PLIN4: variants seen among roughly 807,000 people sequenced by gnomAD.
PLIN4 encodes perilipin-4.
In PLIN4, 57 loss-of-function variants were observed where a neutral mutation model predicts 52.4. That is an observed-to-expected ratio of 1.09 (90% confidence interval 0.88 to 1.36). The LOEUF is 1.36. Among genes scored for constraint, PLIN4 ranks in the 40% most tolerant of loss-of-function variants. The pLI is 0.00. For missense variants in PLIN4, 1,757 were observed against 1,770.3 expected (o/e 0.99, Z 0.13); for synonymous variants, 826 against 785.4 (o/e 1.05, Z -0.86).
rs199694958 is a variant in PLIN4 at position 4,510,517 on chromosome 19, C to A, written c.3443G>T (p.Arg1148Leu). The A allele has an allele frequency of 6.7e-7, 1 of 1,483,694 alleles. No homozygotes were observed. The highest frequency in any genetic ancestry group is 1.4e-5 in the African/African-American group (1 of 71,180). The allele number at this position is 1,483,694 out of a possible 1,614,324, so 91.9% of individuals were successfully genotyped here. A position where few individuals can be genotyped will look rare whatever the true frequency, so the allele number is the denominator to read the frequency against. The change falls in exon 5 of 8, where the codon CGC becomes CTC. Residue 1148 changes from arginine to leucine, a missense_variant. By Grantham distance (102) the Arg-to-Leu change is moderately radical. Around this residue, in one of 7 missense-constraint regions of PLIN4, gnomAD observed 712 missense variants for 637.1 expected, o/e 1.12. Transcript: ENST00000301286. Reference protein sequence around the residue: ...ATTHGPEEAPRLAMLQNELEG... With the variant: ...ATTHGPEEAPLLAMLQNELEG... The stretch of plus-strand genomic sequence containing the variant: ...CAACTCATTCTGCAGCATTGCCAAG[C>A]GTGGGGCTTCTTCGGGGCCGTGTGT...
chr19:4,513,735 G>C (rs1303823490), intron 4 of PLIN4, 34 bp from the exon 5 acceptor site: 2 of 1,539,900 alleles, frequency 1.3e-6, no homozygotes, highest in Non-Finnish European at 1.8e-6. Flanking sequence ...ATCAAGAGAA[G>C]GACTGAGAGG....
rs1029604704 is a variant in PLIN4, at chr19:4,518,300, G to C, written c.-17-11C>G. 2.4e-6 allele frequency: 3 copies of C among 1,232,688 alleles called. No individual in the cohort carries two copies. The African/African-American group carries it at 4.7e-5, about 19-fold the overall frequency. 76.4% of individuals were successfully genotyped at this position (1,232,688 alleles called of 1,614,324 possible). ...TGAGAACGTGAGAAGCTGGAAGGGG[G>C]CAGAGAAGGTGCGTGAATGGGGGTT... On this transcript the variant is annotated splice_polypyrimidine_tract_variant and intron_variant, in intron 1 of 7. Transcript: ENST00000301286.
intron 6 of PLIN4, among the ~76,000 whole-genome samples, chr19:4,506,103 T>C (rs912679950): frequency 1.3e-5 from 2 of 152,106 alleles, no homozygotes; most frequent in African/African-American, 4.8e-5. Flanking sequence ...CCCGGTGGCC[T>C]GACCTCCCCC....
In PLIN4 at chr19:4,513,119, C is replaced by A. The variant is rs747794116; in HGVS notation, c.841G>T (p.Val281Leu). 7 of 712,788 alleles carry A rather than the reference C, an allele frequency of 9.8e-6. No individual in the cohort carries two copies. In the African/African-American group the frequency reaches 1.2e-4, roughly 12 times the overall value. 44.2% of individuals were successfully genotyped at this position (712,788 alleles called of 1,614,324 possible). Residue 281 changes from valine (V) to leucine (L), a missense_variant, in exon 5 of 8, where the codon GTG becomes TTG. Around this residue, in one of 7 missense-constraint regions of PLIN4, gnomAD observed 99 missense variants for 143.4 expected, o/e 0.69. Coordinates refer to ENST00000301286, the MANE Select transcript of PLIN4 (RefSeq NM_001367868.2). ...CCGGTCTGGATGGTTCCTTTGGCCACATTCATGGCACCAGTCACCCCACTA... is the reference window on the plus strand; with the variant it reads ...CCGGTCTGGATGGTTCCTTTGGCCAAATTCATGGCACCAGTCACCCCACTA... ...VCSGVTGAMN[V>L]AKGTIQTGVD...
rs773425940 is a variant in PLIN4, at chr19:4,510,784, G to A, written c.3176C>T (p.Thr1059Ile). 8.8e-6 allele frequency: 14 copies of A among 1,589,988 alleles called. No individual in the cohort carries two copies. The highest frequency in any genetic ancestry group is 1.2e-5 in the Non-Finnish European group (14 of 1,165,150). The stretch of plus-strand genomic sequence containing the variant: ...GAGTCCACCCCAGGAGGTGGCGGGG[G>A]TACTAGGTAACCAGTTCTGGAAGGT... ...LSTFQNWLPSTPATSWGGLTS... is the reference protein window; with the variant it reads ...LSTFQNWLPSIPATSWGGLTS... Residue 1059 changes from threonine (T) to isoleucine (I), a missense_variant, in exon 5 of 8, where the codon ACC (threonine) becomes ATC (isoleucine). Coordinates refer to ENST00000301286, the MANE Select transcript of PLIN4 (RefSeq NM_001367868.2).
At chr19:4,505,412 C>T (rs1017967238) in intron 6 of PLIN4, among the ~76,000 whole-genome samples, 3 of 152,314 alleles carry the variant, frequency 2.0e-5, no homozygotes, top group Middle Eastern at 3.4e-3. Context: ...GAGCCTGCTT[C>T]CCGGGCCCTT....
Position 4,511,484 on chromosome 19 carries a change from T to G in PLIN4, c.2476A>C (p.Thr826Pro). The G allele has an allele frequency of 6.5e-7, 1 of 1,544,506 alleles. No homozygotes were observed. The highest frequency in any genetic ancestry group is 8.9e-7 in the Non-Finnish European group (1 of 1,125,442). ...CTGCAGACAGTGTCCTTGGTACCGGTCAGCACGGTCTTGGCCGTGTCTACA... is the reference window on the plus strand; with the variant it reads ...CTGCAGACAGTGTCCTTGGTACCGGGCAGCACGGTCTTGGCCGTGTCTACA... ...MGVDTAKTVL[T>P]GTKDTVCSGV... Residue 826 changes from threonine (T) to proline (P), a missense_variant, in exon 5 of 8, where the codon ACC becomes CCC. Transcript: ENST00000301286.
chr19:4,502,835 G>A lies in PLIN4; in HGVS notation c.*1624C>T. ...CATTCCACAGTGGCGTCTCGTGTTT[G>A]TCGTCCTGCCCAGCGTAGCCGAGTT... is the stretch of plus-strand genomic sequence containing the variant. On this transcript the variant is annotated 3_prime_UTR_variant, in exon 8 of 8. Coordinates refer to ENST00000301286, the MANE Select transcript of PLIN4 (RefSeq NM_001367868.2). The A allele has an allele frequency of 6.5e-6, 1 of 152,766 alleles. No homozygotes were observed. 9.5% of individuals were successfully genotyped at this position (152,766 alleles called of 1,614,324 possible).
rs561504143 is a variant in PLIN4 at position 4,517,624 on chromosome 19, C to T, written c.126G>A (p.Ser42=). ...ARNLVANAHS[S]ARARPAADPT... is the part of the protein sequence containing the mutation. ...GGTCAGCGGCCGGCCGGGCTCTCGC[C>T]GAGCTATGTGCGTTGGCCACCAGGT... The change falls in exon 3 of 8, where the codon TCG becomes TCA. Residue 42 remains serine (S), a synonymous_variant. Coordinates refer to ENST00000301286, the MANE Select transcript of PLIN4 (RefSeq NM_001367868.2). The T allele has an allele frequency of 4.7e-5, 76 of 1,609,798 alleles. 1 individual carries two copies. The highest frequency in any genetic ancestry group is 4.5e-4 in the East Asian group (20 of 44,784).
Position 4,517,556 on chromosome 19 carries a change from T to A in PLIN4, c.194A>T (p.Gln65Leu). The change falls in exon 3 of 8, where the codon CAG (glutamine) becomes CTG (leucine). Residue 65 changes from glutamine to leucine, a missense_variant and splice_region_variant. Transcript: ENST00000301286. ...CCCCAGCTGGGCCAGCCACTCACCCTGAGCCTGTGGTTGGGCAGCCTCGGC... is the reference window on the plus strand; with the variant it reads ...CCCCAGCTGGGCCAGCCACTCACCCAGAGCCTGTGGTTGGGCAGCCTCGGC... The part of the protein sequence containing the change: ...PAAEAAQPQA[Q>L]VAAHPEQTAP... 1 of 1,608,634 alleles carries A rather than the reference T, an allele frequency of 6.2e-7. No individual in the cohort carries two copies. Among genetic ancestry groups the A allele is most frequent in the Non-Finnish European group, 8.5e-7 (1 of 1,178,138 alleles).
rs772550255 is a variant in PLIN4, at chr19:4,512,805, G to A, written c.1155C>T (p.Ile385=). Residue 385 remains isoleucine, a synonymous_variant, in exon 5 of 8, where the codon ATC becomes ATT. Transcript: ENST00000301286. ...TGAVNLAKEA[I]QGGLDTTKSM... is the part of the protein sequence containing the mutation. ...ACTTGGTGGTATCCAGGCCCCCCTG[G>A]ATGGCCTCTTTGGCCAAGTTCACGG... The A allele has an allele frequency of 1.6e-5, 25 of 1,564,524 alleles. 1 individual carries two copies. The South Asian group carries it at 2.7e-4, about 17-fold the overall frequency.
At position 4,504,323 on chromosome 19, in the gene PLIN4, G is replaced by A. The variant is rs1327746965; in HGVS notation, c.*136C>T. ...GTCACTGCCTCCGCAGCCCCTCGGCGCTCAGCCAGCTGCAGCCCCAAAGGT... is the reference window on the plus strand; with the variant it reads ...GTCACTGCCTCCGCAGCCCCTCGGCACTCAGCCAGCTGCAGCCCCAAAGGT... On this transcript the variant is annotated 3_prime_UTR_variant, in exon 8 of 8. Transcript: ENST00000301286. 118 of 916,068 alleles carry A rather than the reference G, an allele frequency of 1.3e-4. No homozygotes were observed. Among genetic ancestry groups the A allele is most frequent in the Non-Finnish European group, 5.3e-5 (34 of 636,498 alleles). The allele number at this position is 916,068 out of a possible 1,614,324, so 56.7% of individuals were successfully genotyped here.
At chr19:4,518,055 T>C (rs1333848058) in intron 2 of PLIN4, among the ~76,000 whole-genome samples, 167 bp downstream of exon 2, 4 of 152,058 alleles carry the variant, frequency 2.6e-5, no homozygotes, top group Non-Finnish European at 5.9e-5. Flanking sequence ...GCCTCCAGCT[T>C]GGGTCAGAAA....
At position 4,504,497 on chromosome 19, in the gene PLIN4, GC is replaced by G; in HGVS notation, c.4077del (p.Trp1359CysfsTer3). On this transcript the variant is annotated frameshift_variant, in exon 8 of 8. Coordinates refer to ENST00000301286, the MANE Select transcript of PLIN4 (RefSeq NM_001367868.2). LOFTEE classifies it high-confidence loss of function. ...EGLQHNPPLS[W>X]LVGPFALPAG... ...GCGGGCAAGGCGAAGGGCCCTACCA[GC>G]CAGCTGAGCGGGGGATTGTGCTGTA... 6.3e-7 allele frequency: 1 copy of G among 1,598,334 alleles called. No individual in the cohort carries two copies.
In PLIN4 at chr19:4,513,265, G is replaced by C; in HGVS notation, c.695C>G (p.Thr232Ser). ...AGTGGACACAGCATCTTTGGTGCCG[G>C]TCAGCACAGCCTTGGAGGTTTCCAC... ...TGVETSKAVL[T>S]GTKDAVSTGL... Residue 232 changes from threonine to serine, a missense_variant, in exon 5 of 8, where the codon ACC (threonine) becomes AGC (serine). Around this residue, in one of 7 missense-constraint regions of PLIN4, gnomAD observed 99 missense variants for 143.4 expected, o/e 0.69. Coordinates refer to ENST00000301286, the MANE Select transcript of PLIN4 (RefSeq NM_001367868.2). 6.2e-7 allele frequency: 1 copy of C among 1,613,798 alleles called. No homozygotes were observed. The highest frequency in any genetic ancestry group is 1.1e-5 in the South Asian group (1 of 91,088).
In PLIN4 at chr19:4,512,844, A is replaced by T. The variant is rs1976459760; in HGVS notation, c.1116T>A (p.Ser372Arg). The change falls in exon 5 of 8, where the codon AGT becomes AGA. Residue 372 changes from serine to arginine, a missense_variant. Ser to Arg is a moderately radical substitution (Grantham distance 110). Transcript: ENST00000301286. ...VLTGTKNTVC[S>R]GVTGAVNLAK... ...CCAAGTTCACGGCACCGGTCACCCCACTGCAGACAGTGTTCTTGGTGCCAG... is the reference window on the plus strand; with the variant it reads ...CCAAGTTCACGGCACCGGTCACCCCTCTGCAGACAGTGTTCTTGGTGCCAG... 1 of 1,568,930 alleles carries T rather than the reference A, an allele frequency of 6.4e-7. No homozygotes were observed. Among genetic ancestry groups the T allele is most frequent in the African/African-American group, 2.0e-5 (1 of 50,018 alleles).
chr19:4,506,317 C>T (rs1976092109), intron 6 of PLIN4, among the ~76,000 whole-genome samples: 2 of 152,302 alleles, frequency 1.3e-5, no homozygotes, highest in South Asian at 2.1e-4. Flanking sequence ...GGCCTTTGCA[C>T]GGGCCGTGCC....
At chr19:4,508,667 A>G (rs2145256875) in intron 6 of PLIN4, 101 bp downstream of exon 6, 7 of 1,276,460 alleles carry the variant, frequency 5.5e-6, no homozygotes, top group Non-Finnish European at 6.4e-6. Flanking sequence ...TGACAGCATC[A>G]TCTCCTAGGT....
At chr19:4,509,001 A>T in intron 5 of PLIN4, 46 bp from the exon 6 acceptor site, 1 of 1,546,568 alleles carries the variant, frequency 6.5e-7, no homozygotes, top group Non-Finnish European at 8.7e-7. Context: ...CCCTCAGGGC[A>T]TCAGGGCTTT....
Sources: allele counts gnomAD v4.1 joint callset (sites outside exome capture counted in the v4.1 genomes callset), GRCh38; gene constraint gnomAD v4.1.1; regional missense constraint gnomAD v4.1.1; transcripts MANE v1.5; gene names NCBI Gene and HGNC (gene_info 2026-07-23, HGNC 2026-07-21).